PARD3: variants seen among roughly 807,000 people sequenced by gnomAD.
PARD3 encodes par-3 family cell polarity regulator.
In PARD3, 75 loss-of-function variants were observed where a neutral mutation model predicts 155.4. The observed-to-expected ratio is 0.48, with a 90% CI of 0.40 to 0.58. The LOEUF (loss-of-function observed/expected upper bound fraction) is 0.58. Among genes scored for constraint, PARD3 ranks in the 20% least tolerant of loss-of-function variants. The pLI, the probability that PARD3 is intolerant of heterozygous loss-of-function variation, is 0.00. For missense variants in PARD3, 1,642 were observed against 1,721.7 expected (o/e 0.95, Z 0.82); for synonymous variants, 576 against 610.5 (o/e 0.94, Z 0.83).
In PARD3 at chr10:34,378,040, T is replaced by C. The variant is rs1038467276; in HGVS notation, c.1466A>G (p.Tyr489Cys). ...CCCCCGGGGGAGAATGTTTTTCACA[T>C]AGATTGGAGCTGAGCCACCTATTGT... ...DVTIGGSAPI[Y>C]VKNILPRGAA... Residue 489 changes from tyrosine to cysteine, a missense_variant, in exon 10 of 25, where the codon TAT becomes TGT. Transcript: ENST00000374788. 10 of 1,595,252 alleles carry C rather than the reference T, an allele frequency of 6.3e-6. No homozygotes were observed. The African/African-American group carries it at 8.2e-5, about 13-fold the overall frequency.
intron 22 of PARD3, among the ~76,000 whole-genome samples, chr10:34,217,331 G>A (rs1399953881): frequency 6.6e-6 from 1 of 152,030 alleles, no homozygotes; most frequent in African/African-American, 2.4e-5. Context: ...CACAGCTTTG[G>A]TGCAACTTGT....
intron 22 of PARD3, among the ~76,000 whole-genome samples, chr10:34,241,451 G>A (rs953734524): frequency 2.0e-5 from 3 of 152,162 alleles, no homozygotes; most frequent in Admixed American, 6.5e-5. Context: ...CAGCGGGAGG[G>A]CACAGGGTGT....
At chr10:34,520,428 A>G (rs557383273) in intron 2 of PARD3, among the ~76,000 whole-genome samples, 45 of 152,248 alleles carry the variant, frequency 3.0e-4, no homozygotes, top group Admixed American at 2.1e-3. Context: ...GAAGTCCTTA[A>G]TAGTTACAAA....
chr10:34,361,226 A>ATTC (rs1839406622), intron 12 of PARD3, among the ~76,000 whole-genome samples: 1 of 152,228 alleles, frequency 6.6e-6, no homozygotes, highest in Non-Finnish European at 1.5e-5. Context: ...CTCCAACCAC[A>ATTC]TAACAGACAC....
chr10:34,634,872 CAG>C (rs149357834), intron 2 of PARD3, among the ~76,000 whole-genome samples: 23 of 152,266 alleles, frequency 1.5e-4, no homozygotes, highest in East Asian at 9.7e-4. Flanking sequence ...AAAAAGCAAA[CAG>C]GGGGAATCTG....
intron 3 of PARD3, among the ~76,000 whole-genome samples, chr10:34,498,557 G>C (rs537189895): frequency 1.1e-4 from 16 of 152,192 alleles, no homozygotes; most frequent in Admixed American, 2.6e-4. Flanking sequence ...CAGGAGGATT[G>C]CATGAGGCCA....
chr10:34,670,325 G>A (rs559544740), intron 2 of PARD3, among the ~76,000 whole-genome samples: 6 of 152,344 alleles, frequency 3.9e-5, no homozygotes, highest in South Asian at 2.1e-4. Context: ...CCAGGCCGCC[G>A]CTGGCTCTCA....
chr10:34,670,564 C>G (rs2093592449), intron 2 of PARD3, among the ~76,000 whole-genome samples: 1 of 152,194 alleles, frequency 6.6e-6, no homozygotes, highest in Non-Finnish European at 1.5e-5. Context: ...CCAACCCCAT[C>G]CCACTACCAC....
At chr10:34,249,694 C>A (rs1954176975) in intron 22 of PARD3, among the ~76,000 whole-genome samples, 1 of 152,194 alleles carries the variant, frequency 6.6e-6, no homozygotes, top group African/African-American at 2.4e-5. Context: ...TGGTCTGTCT[C>A]TGGCTCTGAT....
At chr10:34,729,522 C>T (rs11009894) in intron 1 of PARD3, among the ~76,000 whole-genome samples, 34,466 of 139,186 alleles carry the variant, frequency 0.25, 5,239 homozygotes, top group East Asian at 0.51. Flanking sequence ...CAGGGCAAGA[C>T]TCCATCTCAA....
At chr10:34,473,110 G>A (rs1401994750) in intron 3 of PARD3, among the ~76,000 whole-genome samples, 1 of 152,140 alleles carries the variant, frequency 6.6e-6, no homozygotes, top group Non-Finnish European at 1.5e-5. Context: ...TGGATAGGGT[G>A]GTGTTTGCAT....
chr10:34,598,425 C>G (rs1221869410), intron 2 of PARD3, among the ~76,000 whole-genome samples: 1 of 152,056 alleles, frequency 6.6e-6, no homozygotes, highest in South Asian at 2.1e-4. Context: ...AATAGTCCAC[C>G]CTTGACTTAT....
intron 9 of PARD3, among the ~76,000 whole-genome samples, chr10:34,379,520 T>C (rs1465460864): frequency 6.6e-6 from 1 of 152,104 alleles, no homozygotes; most frequent in Non-Finnish European, 1.5e-5. Flanking sequence ...TGACTTGCAA[T>C]AACATTTATT....
chr10:34,170,658 G>T (rs980036048), intron 22 of PARD3, among the ~76,000 whole-genome samples: 7 of 152,184 alleles, frequency 4.6e-5, no homozygotes, highest in Middle Eastern at 3.2e-3. Context: ...GAAGGAAAGA[G>T]GCAGCTGATG....
rs1285479570 is a variant in PARD3, at chr10:34,336,197, A to G, written c.2605+2T>C. ...GGCAACAGTCTAACTGTCCATTCTT[A>G]CCTGCTTTCTGGTCATCCACTGTAT... On this transcript the variant is annotated splice_donor_variant, in intron 18 of 24. Coordinates refer to ENST00000374788, the MANE Select transcript of PARD3 (RefSeq NM_001184785.2). LOFTEE classifies it high-confidence loss of function. 6 of 1,610,504 alleles carry G rather than the reference A, an allele frequency of 3.7e-6. No homozygotes were observed. Among genetic ancestry groups the G allele is most frequent in the Non-Finnish European group, 5.1e-6 (6 of 1,177,104 alleles).
At position 34,180,526 on chromosome 10, in the gene PARD3, C is replaced by T. The variant is rs73268914; in HGVS notation, c.3420-48943G>A. ...CACCATTTTGCTGTGACAGCATGGT[C>T]ATAACTTGAGAAGAACATAAAAATG... is the stretch of plus-strand genomic sequence containing the variant. On this transcript the variant is annotated intron_variant, in intron 22 of 24. Coordinates refer to ENST00000374788, the MANE Select transcript of PARD3 (RefSeq NM_001184785.2). 5.4e-3 allele frequency among the ~76,000 whole-genome samples: 824 copies of T among 152,210 alleles called. 8 individuals carry two copies. Among genetic ancestry groups the T allele is most frequent in the African/African-American group, 0.018 (756 of 41,520 alleles).
chr10:34,450,200 G>T, intron 5 of PARD3, 117 bp downstream of exon 5: 2 of 969,644 alleles, frequency 2.1e-6, no homozygotes, highest in Non-Finnish European at 3.1e-6. Context: ...CTTAACTAAA[G>T]TTTGTTAGAA....
chr10:34,393,459 T>C (rs1843022557), intron 7 of PARD3, among the ~76,000 whole-genome samples: 2 of 151,742 alleles, frequency 1.3e-5, no homozygotes. Flanking sequence ...CACTTGCCTG[T>C]AGTCCCAGCT....
intron 23 of PARD3, among the ~76,000 whole-genome samples, chr10:34,121,528 A>G (rs1331008260): frequency 6.6e-6 from 1 of 152,254 alleles, no homozygotes; most frequent in Non-Finnish European, 1.5e-5. Flanking sequence ...ACAGAGTCTG[A>G]ACATTCATTT....
Sources: allele counts gnomAD v4.1 joint callset (sites outside exome capture counted in the v4.1 genomes callset), GRCh38; gene constraint gnomAD v4.1.1; transcripts MANE v1.5; gene names NCBI Gene and HGNC (gene_info 2026-07-23, HGNC 2026-07-21).